Variants in MITF observed in about 807,000 individuals in gnomAD.
The protein encoded by MITF is microphthalmia-associated transcription factor.
In MITF, 17 loss-of-function variants were observed where a neutral mutation model predicts 60.5. The ratio of observed to expected loss-of-function variants is 0.28; its 90% CI spans 0.19 to 0.42. The LOEUF (loss-of-function observed/expected upper bound fraction) is 0.42. Among genes scored for constraint, MITF ranks in the 10% least tolerant of loss-of-function variants. The pLI is 1.00. For synonymous variants in MITF, 260 were observed against 248.5 expected, an observed-to-expected ratio of 1.05 and a Z score of -0.43; for missense variants, 622 against 683.5, an observed-to-expected ratio of 0.91 and a Z score of 1.00.
At chr3:69,793,588 A>G (rs1214675389) in intron 1 of MITF, among the ~76,000 whole-genome samples, 1 of 106,852 alleles carries the variant, frequency 9.4e-6, no homozygotes, top group Non-Finnish European at 2.3e-5. Flanking sequence ...AGTCACTGCC[A>G]GATGTTCCTT....
intron 1 of MITF, chr3:69,866,446 G>A: frequency 7.1e-7 from 1 of 1,408,838 alleles, no homozygotes; most frequent in Non-Finnish European, 9.6e-7. Context: ...AGGGTTTATT[G>A]GGAGTTAAAA....
chr3:69,764,706 T>A (rs576979122), intron 1 of MITF, among the ~76,000 whole-genome samples: 1 of 152,324 alleles, frequency 6.6e-6, no homozygotes, highest in Admixed American at 6.5e-5. Context: ...AGAATATTTT[T>A]ACTCAACAGT....
At chr3:69,845,846 C>T (rs1025732135) in intron 1 of MITF, among the ~76,000 whole-genome samples, 5 of 152,148 alleles carry the variant, frequency 3.3e-5, no homozygotes, top group Non-Finnish European at 5.9e-5. Flanking sequence ...TCTTTAATGT[C>T]CCTCTTAGAG....
intron 1 of MITF, among the ~76,000 whole-genome samples, chr3:69,749,730 T>G (rs1434295777): frequency 1.3e-5 from 2 of 152,198 alleles, no homozygotes; most frequent in Non-Finnish European, 2.9e-5. Context: ...GAAGCATGCT[T>G]GGAGGATAAC....
intron 1 of MITF, among the ~76,000 whole-genome samples, chr3:69,744,719 GTGT>G (rs1703655645): frequency 6.6e-6 from 1 of 152,224 alleles, no homozygotes; most frequent in Non-Finnish European, 1.5e-5. Flanking sequence ...TCTAAGGCAA[GTGT>G]TGTTACGCAA....
intron 1 of MITF, among the ~76,000 whole-genome samples, chr3:69,769,270 G>A (rs373630288): frequency 6.6e-6 from 1 of 152,278 alleles, no homozygotes; most frequent in African/African-American, 2.4e-5. Flanking sequence ...TCATAAGGAT[G>A]TGGCAAGAAT....
Position 69,965,302 on chromosome 3 carries a change from A to G in MITF, c.*54A>G. ...AACTGCTTCCTTTCTTGATTCGTAG[A>G]TTTAATAACTTACCTGAAGGGGTTT... On this transcript the variant is annotated 3_prime_UTR_variant, in exon 10 of 10. Transcript: ENST00000352241. 1.9e-6 allele frequency: 3 copies of G among 1,590,238 alleles called. No individual in the cohort carries two copies. The highest frequency in any genetic ancestry group is 2.6e-6 in the Non-Finnish European group (3 of 1,162,198).
chr3:69,800,751 G>A (rs1559638505), intron 1 of MITF, among the ~76,000 whole-genome samples: 1 of 151,996 alleles, frequency 6.6e-6, no homozygotes. Context: ...AAAAAAAATT[G>A]GATATTGTTC....
intron 5 of MITF, among the ~76,000 whole-genome samples, chr3:69,945,480 T>G (rs1471809538): frequency 2.0e-5 from 3 of 152,206 alleles, no homozygotes; most frequent in Non-Finnish European, 4.4e-5. Context: ...TTTGACCTAA[T>G]TATGATGTTA....
chr3:69,790,621 A>C (rs2062724577), intron 1 of MITF, among the ~76,000 whole-genome samples: 1 of 152,218 alleles, frequency 6.6e-6, no homozygotes, highest in Non-Finnish European at 1.5e-5. Context: ...AATGTGGCCC[A>C]TGGACAATCA....
At chr3:69,948,838 T>C (rs2066167032) in intron 5 of MITF, among the ~76,000 whole-genome samples, 1 of 152,206 alleles carries the variant, frequency 6.6e-6, no homozygotes, top group African/African-American at 2.4e-5. Context: ...TGTACTTTCC[T>C]GCCTCAAAGG....
At chr3:69,887,550 A>T (rs1157366842) in intron 2 of MITF, among the ~76,000 whole-genome samples, 1 of 152,114 alleles carries the variant, frequency 6.6e-6, no homozygotes, top group African/African-American at 2.4e-5. Context: ...TTATAAATTT[A>T]GATGTTTTTT....
intron 9 of MITF, 100 bp downstream of exon 9, chr3:69,959,520 C>A: frequency 7.2e-7 from 1 of 1,382,360 alleles, no homozygotes; most frequent in Non-Finnish European, 1.0e-6. Flanking sequence ...CTTACGTGAT[C>A]CTAACACAGT....
chr3:69,924,417 G>A (rs2065538817), intron 2 of MITF, among the ~76,000 whole-genome samples: 1 of 152,158 alleles, frequency 6.6e-6, no homozygotes, highest in Non-Finnish European at 1.5e-5. Flanking sequence ...TAGTAAACAT[G>A]CTACCATAAC....
intron 4 of MITF, among the ~76,000 whole-genome samples, chr3:69,939,630 C>G (rs2065924745): frequency 6.6e-6 from 1 of 151,954 alleles, no homozygotes; most frequent in East Asian, 1.9e-4. Context: ...TCCCAAATAA[C>G]TAAAGTTTCT....
intron 6 of MITF, among the ~76,000 whole-genome samples, chr3:69,950,352 A>C (rs1049370292): frequency 6.6e-6 from 1 of 151,382 alleles, no homozygotes; most frequent in African/African-American, 2.4e-5. Flanking sequence ...GAATCATTGA[A>C]GTGGAGGGTA....
chr3:69,739,493 C>A lies in MITF; in HGVS notation c.-105C>A. On this transcript the variant is annotated 5_prime_UTR_variant, in exon 1 of 10. It adds an upstream start codon to the 5' untranslated region. Transcript: ENST00000352241. ...GCCGGCGAGCGGGCAGAGCTCGGCA[C>A]TGCGCCGGGGCGCACGGCTCGGGGG... The A allele has an allele frequency of 9.0e-7, 1 of 1,107,886 alleles. No individual in the cohort carries two copies. Among genetic ancestry groups the A allele is most frequent in the Non-Finnish European group, 1.3e-6 (1 of 749,878 alleles). 68.6% of individuals were successfully genotyped at this position (1,107,886 alleles called of 1,614,324 possible).
chr3:69,834,437 T>C (rs563544339), intron 1 of MITF, among the ~76,000 whole-genome samples: 1 of 152,344 alleles, frequency 6.6e-6, no homozygotes, highest in East Asian at 1.9e-4. Flanking sequence ...TGTCTTTCTG[T>C]GTATGGCTTA....
chr3:69,956,399 C>A lies in MITF; in HGVS notation c.956-56C>A. ...ATGCACATGCCTTTAATGAGATGTGCTAAATGCATACATGGCACTGTTACT... is the reference window on the plus strand; with the variant it reads ...ATGCACATGCCTTTAATGAGATGTGATAAATGCATACATGGCACTGTTACT... On this transcript the variant is annotated intron_variant, in intron 7 of 9. Transcript: ENST00000352241. The A allele has an allele frequency of 4.4e-6, 6 of 1,364,044 alleles. 1 individual carries two copies. The South Asian group carries it at 7.0e-5, about 16-fold the overall frequency. 84.5% of individuals were successfully genotyped at this position (1,364,044 alleles called of 1,614,324 possible).
Sources: allele counts gnomAD v4.1 joint callset (sites outside exome capture counted in the v4.1 genomes callset), GRCh38; gene constraint gnomAD v4.1.1; transcripts MANE v1.5; gene names NCBI Gene and HGNC (gene_info 2026-07-23, HGNC 2026-07-21).